Variants in CLPTM1L observed in about 807,000 individuals in gnomAD.
CLPTM1L encodes CLPTM1 like.
Under a neutral mutation model 70.9 loss-of-function variants are expected in CLPTM1L, and 38 were observed. The observed-to-expected ratio is 0.54, with a 90% CI of 0.41 to 0.70. The LOEUF (loss-of-function observed/expected upper bound fraction) is 0.70. CLPTM1L is among the 30% of genes least tolerant of loss of function. The pLI is 0.00. For synonymous variants in CLPTM1L, 339 were observed against 299.9 expected (o/e 1.13, Z -1.35); for missense variants, 652 against 705.9 (o/e 0.92, Z 0.87).
chr5:1,320,727 A>C lies in CLPTM1L; in HGVS notation c.1421T>G (p.Phe474Cys). The change falls in exon 16 of 17, where the codon TTC (phenylalanine) becomes TGC (cysteine). Residue 474 changes from phenylalanine to cysteine, a missense_variant. Physicochemically the swap from Phe to Cys is radical, Grantham distance 205 (BLOSUM62 -2). Coordinates refer to ENST00000320895, the MANE Select transcript of CLPTM1L (RefSeq NM_030782.5). ...LPWKAFTYKA[F>C]NTFIDDVFAF... ...AAAGACGTCATCAATGAAGGTGTTG[A>C]AAGCCTGCAGGGCCAGACGGGAGGA... is the stretch of plus-strand genomic sequence containing the variant. 4 of 1,538,090 alleles carry C rather than the reference A, an allele frequency of 2.6e-6. No individual in the cohort carries two copies. Among genetic ancestry groups the C allele is most frequent in the Non-Finnish European group, 3.5e-6 (4 of 1,136,690 alleles).
intron 4 of CLPTM1L, 38 bp from the exon 5 acceptor site, chr5:1,338,020 G>A (rs376307293): frequency 1.3e-6 from 2 of 1,527,784 alleles, no homozygotes; most frequent in South Asian, 2.4e-5. Context: ...TCAGCACCAA[G>A]GCTTTTACCT....
At chr5:1,319,710 G>C (rs892467458) in intron 16 of CLPTM1L, among the ~76,000 whole-genome samples, 10 of 152,240 alleles carry the variant, frequency 6.6e-5, no homozygotes, top group Non-Finnish European at 1.5e-4. Flanking sequence ...CTCCTGGTCG[G>C]GGGAGGGAGA....
At chr5:1,335,009 G>A (rs1320386215) in intron 6 of CLPTM1L, 48 bp downstream of exon 6, 2 of 1,463,282 alleles carry the variant, frequency 1.4e-6, no homozygotes, top group Non-Finnish European at 1.9e-6. Flanking sequence ...GATGCCCGAG[G>A]GGCTCCAGGG....
intron 7 of CLPTM1L, 68 bp from the exon 8 acceptor site, chr5:1,331,951 G>A (rs1388651247): frequency 1.1e-5 from 14 of 1,324,400 alleles, no homozygotes; most frequent in East Asian, 4.7e-5. Flanking sequence ...GACAGAGATA[G>A]AGGCTTCGTG....
At chr5:1,336,573 C>T (rs2111246267) in intron 5 of CLPTM1L, among the ~76,000 whole-genome samples, 1 of 152,370 alleles carries the variant, frequency 6.6e-6, no homozygotes, top group East Asian at 1.9e-4. Flanking sequence ...GCTGGTGCCA[C>T]AGCTCACACA....
Position 1,323,840 on chromosome 5 carries a change from G to A in CLPTM1L, c.1227C>T (p.Tyr409=), listed in dbSNP as rs749652158. ...AGACAGCACCCCCGACACAGAGAGGGTACAGCAGGTATGACAAGTACTTCA... is the reference window on the plus strand; with the variant it reads ...AGACAGCACCCCCGACACAGAGAGGATACAGCAGGTATGACAAGTACTTCA... ...QAMKYLSYLL[Y]PLCVGGAVYS... Residue 409 remains tyrosine (Y), a synonymous_variant, in exon 12 of 17, where the codon TAC becomes TAT. Transcript: ENST00000320895. 6.2e-6 allele frequency: 10 copies of A among 1,613,784 alleles called. No individual in the cohort carries two copies. Among genetic ancestry groups the A allele is most frequent in the Non-Finnish European group, 8.5e-6 (10 of 1,179,922 alleles).
At position 1,318,220 on chromosome 5, in the gene CLPTM1L, C is replaced by T. The variant is rs561080153; in HGVS notation, c.*149G>A. The T allele has an allele frequency of 7.0e-5, 45 of 646,798 alleles. No homozygotes were observed. The highest frequency in any genetic ancestry group is 4.1e-4 in the South Asian group (22 of 53,714). The allele number at this position is 646,798 out of a possible 1,614,324, so 40.1% of individuals were successfully genotyped here. On this transcript the variant is annotated 3_prime_UTR_variant, in exon 17 of 17. Transcript: ENST00000320895. This position sits in a 1 kb window ranked among gnomAD's most constrained non-coding sequence, Gnocchi z 8.9. ...TAAGCGCTACCAGCTCCAAATCTGA[C>T]GTGATGGGAACTTGGGAGATGTCTG...
At chr5:1,320,566 G>A in intron 16 of CLPTM1L, 50 bp downstream of exon 16, 1 of 1,023,092 alleles carries the variant, frequency 9.8e-7, no homozygotes, top group Non-Finnish European at 1.4e-6. Context: ...TTCAGCAGCA[G>A]CCACGCCGCT....
intron 7 of CLPTM1L, among the ~76,000 whole-genome samples, 179 bp downstream of exon 7, chr5:1,334,110 C>G (rs1032272180): frequency 5.3e-5 from 8 of 152,288 alleles, no homozygotes; most frequent in Admixed American, 3.9e-4. Context: ...AGAAACCGCC[C>G]ACTGGGACAA....
In CLPTM1L at chr5:1,339,266, T is replaced by C. The variant is rs366741; in HGVS notation, c.454-261A>G. On this transcript the variant is annotated intron_variant, in intron 3 of 16. Transcript: ENST00000320895. ...ACTGTGCCCGGGACAGCAGGGTCAG[T>C]GCCCTAACCTGTGAACAGATGGCCA... Among the ~76,000 whole-genome samples, 246 of 109,386 alleles carry C rather than the reference T, an allele frequency of 2.2e-3. 1 individual carries two copies. Among genetic ancestry groups the C allele is most frequent in the African/African-American group, 6.4e-3 (179 of 27,886 alleles). The allele number at this position is 109,386 out of a possible 152,430, so 71.8% of individuals were successfully genotyped here. A position where few individuals can be genotyped will look rare whatever the true frequency, so the allele number is the denominator to read the frequency against.
chr5:1,319,104 C>T (rs956881070), intron 16 of CLPTM1L, among the ~76,000 whole-genome samples: 1 of 152,164 alleles, frequency 6.6e-6, no homozygotes, highest in Non-Finnish European at 1.5e-5. Flanking sequence ...GGGCCACCTG[C>T]GAGGACTTGG....
intron 2 of CLPTM1L, among the ~76,000 whole-genome samples, chr5:1,343,116 G>A (rs140105012): frequency 8.1e-4 from 123 of 152,236 alleles, no homozygotes; most frequent in African/African-American, 2.8e-3. Context: ...CCTTGAACCC[G>A]GGAACCGGAG....
At chr5:1,344,128 T>C (rs1434662332) in intron 2 of CLPTM1L, among the ~76,000 whole-genome samples, 3 of 152,254 alleles carry the variant, frequency 2.0e-5, no homozygotes, top group African/African-American at 7.2e-5. Context: ...CATCACACTC[T>C]GCTGAGAACT....
chr5:1,333,226 TA>T lies in CLPTM1L; in HGVS notation c.891+1062del, dbSNP rs554458190. Among the ~76,000 whole-genome samples the T allele has an allele frequency of 2.0e-3, 69 of 35,148 alleles. 8 individuals carry two copies. The highest frequency in any genetic ancestry group is 2.7e-3 in the Non-Finnish European group (58 of 21,876). The allele number at this position is 35,148 out of a possible 152,430, so 23.1% of individuals were successfully genotyped here. On this transcript the variant is annotated intron_variant, in intron 7 of 16. Coordinates refer to ENST00000320895, the MANE Select transcript of CLPTM1L (RefSeq NM_030782.5). ...GGGGGACTACTGTAGACACACCGGATAAGGGGGGACTACTGTATACACACCA... is the reference window on the plus strand; with the variant it reads ...GGGGGACTACTGTAGACACACCGGATAGGGGGGACTACTGTATACACACCA...
At chr5:1,324,700 A>G in intron 11 of CLPTM1L, 63 bp downstream of exon 11, 1 of 1,429,962 alleles carries the variant, frequency 7.0e-7, no homozygotes, top group Non-Finnish European at 9.9e-7. Context: ...ACAGTAAAAG[A>G]CCCGTCTTTG....
chr5:1,324,146 C>G, intron 11 of CLPTM1L: 1 of 474,920 alleles, frequency 2.1e-6, no homozygotes, highest in Non-Finnish European at 3.7e-6. Flanking sequence ...AACCAACCCA[C>G]AACAGATCAA....
intron 7 of CLPTM1L, among the ~76,000 whole-genome samples, chr5:1,333,874 C>G (rs1561244902): frequency 6.6e-6 from 1 of 152,060 alleles, no homozygotes. Context: ...AGAATTTATA[C>G]AAGAGAACTA....
At chr5:1,319,513 G>A (rs1252264055) in intron 16 of CLPTM1L, among the ~76,000 whole-genome samples, 2 of 152,228 alleles carry the variant, frequency 1.3e-5, no homozygotes, top group East Asian at 1.9e-4. Context: ...AACACCTGGC[G>A]AGGTTGAGTG....
intron 9 of CLPTM1L, among the ~76,000 whole-genome samples, chr5:1,329,503 C>A (rs1752929244): frequency 7.0e-6 from 1 of 143,376 alleles, no homozygotes; most frequent in African/African-American, 2.8e-5. Context: ...GACAGAGCCT[C>A]AGGACTCTCT....
Sources: allele counts gnomAD v4.1 joint callset (sites outside exome capture counted in the v4.1 genomes callset), GRCh38; gene constraint gnomAD v4.1.1; non-coding constraint Gnocchi (gnomAD v3.1); transcripts MANE v1.5; gene names NCBI Gene and HGNC (gene_info 2026-07-23, HGNC 2026-07-21).